The following ABCC5 variants were observed in gnomAD, a reference collection of about 807,000 sequenced individuals.
ABCC5 encodes the protein ATP-binding cassette sub-family C member 5.
A neutral mutation model predicts 160.9 loss-of-function variants in ABCC5; 61 were observed. That is an observed-to-expected ratio of 0.38 (90% CI 0.31 to 0.47). The LOEUF (loss-of-function observed/expected upper bound fraction) is 0.47. ABCC5 is among the 20% of genes least tolerant of loss of function. The pLI, the probability that ABCC5 is intolerant of heterozygous loss-of-function variation, is 0.99. For missense variants in ABCC5, 1,308 were observed against 1,813.3 expected (o/e 0.72, Z 5.06); for synonymous variants, 666 against 700.6 (o/e 0.95, Z 0.78).
At chr3:183,968,114 TA>T (rs1458942592) in intron 11 of ABCC5, among the ~76,000 whole-genome samples, 2 of 151,114 alleles carry the variant, frequency 1.3e-5, no homozygotes, top group African/African-American at 4.8e-5. Flanking sequence ...GTAGGGCTTT[TA>T]AAAATCATTT....
chr3:183,971,662 G>A lies in ABCC5; in HGVS notation c.1662C>T (p.Asp554=), dbSNP rs772552244. 32 of 1,614,182 alleles carry A rather than the reference G, an allele frequency of 2.0e-5. No individual in the cohort carries two copies. The highest frequency in any genetic ancestry group is 1.3e-4 in the South Asian group (12 of 91,084). Residue 554 remains aspartate, a synonymous_variant, in exon 11 of 30, where the codon GAC becomes GAT. Transcript: ENST00000334444. ...CTTCCTCTTCGGGACTGGGCCGCTC[G>A]TCACTGTCCAGGAGGAGGTGGCCTT... ...EQKGHLLLDS[D]ERPSPEEEEG...
chr3:183,992,905 TG>T (rs1719906501), intron 2 of ABCC5, among the ~76,000 whole-genome samples: 1 of 152,236 alleles, frequency 6.6e-6, no homozygotes. Flanking sequence ...TTCAGTTTTG[TG>T]GGCTAAGAGG....
At position 183,981,300 on chromosome 3, in the gene ABCC5, C is replaced by T. The variant is rs577779470; in HGVS notation, c.1147+427G>A. ...GGACCAGCATCCAGCCATCCTGACT[C>T]CCAGTTTACCTCAAGGGCCACAAAC... On this transcript the variant is annotated intron_variant, in intron 8 of 29. Transcript: ENST00000334444. Among the ~76,000 whole-genome samples, 35 of 152,286 alleles carry T rather than the reference C, an allele frequency of 2.3e-4. No individual in the cohort carries two copies. The South Asian group carries it at 6.8e-3, about 30-fold the overall frequency.
chr3:184,007,016 C>CTTTTTTTTTTT (rs376229755), intron 2 of ABCC5, among the ~76,000 whole-genome samples: 2 of 81,162 alleles, frequency 2.5e-5, no homozygotes, highest in Non-Finnish European at 4.4e-5. Flanking sequence ...TTTACTTCTG[C>CTTTTTTTTTTT]TTTTTTTTTT....
At chr3:183,971,404 G>GT (rs200935493) in intron 11 of ABCC5, among the ~76,000 whole-genome samples, 159 bp downstream of exon 11, 36 of 151,350 alleles carry the variant, frequency 2.4e-4, no homozygotes, top group South Asian at 1.0e-3. Flanking sequence ...TGCTTAGTTG[G>GT]TTTTTTTTTA....
At chr3:184,001,085 A>G in intron 2 of ABCC5, 1 of 408,826 alleles carries the variant, frequency 2.4e-6, no homozygotes. Context: ...AAACCCCATC[A>G]CTATAAAAAA....
chr3:183,957,608 G>A (rs1364372124), intron 17 of ABCC5, among the ~76,000 whole-genome samples: 11 of 150,876 alleles, frequency 7.3e-5, no homozygotes, highest in Non-Finnish European at 1.2e-4. Context: ...ACATCACATC[G>A]GTTACATGCA....
chr3:183,935,965 A>C (rs1049791119), intron 26 of ABCC5, among the ~76,000 whole-genome samples: 3 of 152,218 alleles, frequency 2.0e-5, no homozygotes, highest in Non-Finnish European at 4.4e-5. Flanking sequence ...ACACAAACAC[A>C]GGTGAGAATT....
intron 2 of ABCC5, among the ~76,000 whole-genome samples, chr3:184,006,825 C>A (rs1342286691): frequency 6.6e-6 from 1 of 152,012 alleles, no homozygotes; most frequent in East Asian, 1.9e-4. Flanking sequence ...CAGCCTACCA[C>A]AGAACTAAGG....
At chr3:184,012,675 C>G (rs1721856934) in intron 2 of ABCC5, among the ~76,000 whole-genome samples, 1 of 152,134 alleles carries the variant, frequency 6.6e-6, no homozygotes. Flanking sequence ...ATGTGTCTAG[C>G]ACTCAGATGT....
chr3:184,014,822 AT>A (rs1369682584), intron 1 of ABCC5, among the ~76,000 whole-genome samples: 1 of 152,150 alleles, frequency 6.6e-6, no homozygotes, highest in East Asian at 1.9e-4. Context: ...TGTCCCAAGT[AT>A]TAAAAACTCC....
intron 2 of ABCC5, chr3:184,009,943 G>A (rs1054083796): frequency 1.6e-5 from 7 of 429,954 alleles, no homozygotes; most frequent in Non-Finnish European, 3.3e-5. Flanking sequence ...GAAGCTGGGA[G>A]TTCAACAACA....
intron 24 of ABCC5, 29 bp downstream of exon 24, chr3:183,945,821 T>A: frequency 6.3e-7 from 1 of 1,595,498 alleles, no homozygotes. Context: ...AGGAGTCAGA[T>A]CACGGTAAAA....
At chr3:183,989,942 T>C (rs1180620522) in intron 2 of ABCC5, among the ~76,000 whole-genome samples, 3 of 151,294 alleles carry the variant, frequency 2.0e-5, no homozygotes, top group Admixed American at 6.6e-5. Flanking sequence ...GTAGCTGGGA[T>C]TACAGGGATG....
intron 2 of ABCC5, chr3:184,009,970 G>C (rs1003253242): frequency 2.3e-6 from 1 of 435,004 alleles, no homozygotes; most frequent in Non-Finnish European, 4.6e-6. Context: ...CCAACAGTGA[G>C]AGTGCCTCTA....
At chr3:183,974,449 C>T (rs1372401565) in intron 10 of ABCC5, among the ~76,000 whole-genome samples, 1 of 152,110 alleles carries the variant, frequency 6.6e-6, no homozygotes. Context: ...GCTGGGATTA[C>T]AGGTGCCCAC....
chr3:183,930,297 C>T (rs62285804), intron 26 of ABCC5, among the ~76,000 whole-genome samples: 3,530 of 152,348 alleles, frequency 0.023, 68 homozygotes, highest in Middle Eastern at 0.068. Flanking sequence ...GGGCATCTCT[C>T]GATCTCCTGG....
intron 26 of ABCC5, among the ~76,000 whole-genome samples, chr3:183,936,110 G>T (rs1577469380): frequency 6.6e-6 from 1 of 152,074 alleles, no homozygotes; most frequent in East Asian, 1.9e-4. Context: ...TCATGAGGGT[G>T]GGGCCTCAAG....
chr3:184,016,625 T>C (rs1187759045), intron 1 of ABCC5, among the ~76,000 whole-genome samples: 1 of 152,192 alleles, frequency 6.6e-6, no homozygotes, highest in East Asian at 1.9e-4. Flanking sequence ...CTTTTTTAAA[T>C]GCTCACTTGC....
Sources: gnomAD v4.1 joint callset for allele counts (sites outside exome capture counted in the v4.1 genomes callset) on GRCh38, gnomAD v4.1.1 for gene constraint, MANE v1.5 for transcripts, NCBI Gene and HGNC (gene_info 2026-07-23, HGNC 2026-07-21) for gene names.